The following ADARB2 variants were observed in gnomAD, a reference collection of about 807,000 sequenced individuals.
ADARB2 encodes adenosine deaminase RNA specific B2 (inactive).
In ADARB2, 25 loss-of-function variants were observed where a neutral mutation model predicts 62.2. The observed-to-expected ratio is 0.40, with a 90% CI of 0.29 to 0.56. ADARB2 has a LOEUF of 0.56. Among genes scored for constraint, ADARB2 ranks in the 20% least tolerant of loss-of-function variants. The pLI, the probability that ADARB2 is intolerant of heterozygous loss-of-function variation, is 0.43. For synonymous variants in ADARB2, 572 were observed against 500.8 expected (o/e 1.14, Z -1.90); for missense variants, 1,071 against 1,077.4 (o/e 0.99, Z 0.08).
At position 1,185,706 on chromosome 10, in the gene ADARB2, C is replaced by A. The variant is rs927692321; in HGVS notation, c.1865-667G>T. Among the ~76,000 whole-genome samples the A allele has an allele frequency of 3.3e-5, 5 of 152,338 alleles. No individual in the cohort carries two copies. The South Asian group carries it at 6.2e-4, about 19-fold the overall frequency. On this transcript the variant is annotated intron_variant, in intron 8 of 9. Transcript: ENST00000381312. ...CATGGGTTCGTCTAAGCTCAGGTGC[C>A]TGTGTGAGCTGCAGGGCTGCATGCC...
chr10:1,351,732 C>T lies in ADARB2; in HGVS notation c.1077+11296G>A, dbSNP rs535537474. Among the ~76,000 whole-genome samples, 36 of 152,240 alleles carry T rather than the reference C, an allele frequency of 2.4e-4. No individual in the cohort carries two copies. The South Asian group carries it at 4.8e-3, about 20-fold the overall frequency. On this transcript the variant is annotated intron_variant, in intron 3 of 9. Transcript: ENST00000381312. Reference sequence around the variant, plus strand: ...CACTCAATGCCAATATCTCATCCCACAGCATGCTTTAAAAGGATTAAAGTC... The same window carrying T: ...CACTCAATGCCAATATCTCATCCCATAGCATGCTTTAAAAGGATTAAAGTC...
chr10:1,288,810 C>CTGACAGAGGATGCCGAG (rs1306757163), intron 3 of ADARB2, among the ~76,000 whole-genome samples: 8 of 152,350 alleles, frequency 5.3e-5, no homozygotes, highest in African/African-American at 1.4e-4. Context: ...ATAGGGGTTT[C>CTGACAGAGGATGCCGAG]TGACAGAGGA....
At chr10:1,271,627 CACAT>C (rs1351553155) in intron 3 of ADARB2, among the ~76,000 whole-genome samples, 1 of 144,480 alleles carries the variant, frequency 6.9e-6, no homozygotes, top group Non-Finnish European at 1.5e-5. Context: ...AATATGCACA[CACAT>C]GCACACACAC....
intron 3 of ADARB2, among the ~76,000 whole-genome samples, chr10:1,325,010 A>C (rs1457819965): frequency 6.6e-6 from 1 of 152,192 alleles, no homozygotes; most frequent in African/African-American, 2.4e-5. Context: ...TATGTCCTAG[A>C]ACGCTGTGAA....
chr10:1,508,429 T>A (rs1415976013), intron 1 of ADARB2, among the ~76,000 whole-genome samples: 1 of 151,912 alleles, frequency 6.6e-6, no homozygotes, highest in Non-Finnish European at 1.5e-5. Flanking sequence ...GTTGGGAGAC[T>A]CCCAGGAGGC....
intron 4 of ADARB2, among the ~76,000 whole-genome samples, chr10:1,248,572 G>A (rs865998720): frequency 1.3e-5 from 2 of 152,278 alleles, no homozygotes; most frequent in Middle Eastern, 3.4e-3. Flanking sequence ...GCCGGTACTC[G>A]GAGCCAGGAG....
At chr10:1,676,397 A>G (rs1484305089) in intron 1 of ADARB2, among the ~76,000 whole-genome samples, 5 of 152,214 alleles carry the variant, frequency 3.3e-5, no homozygotes, top group Non-Finnish European at 7.3e-5. Flanking sequence ...TATTTTATAC[A>G]TTATTTAAAG....
chr10:1,569,034 G>A lies in ADARB2; in HGVS notation c.100+168017C>T, dbSNP rs540748002. ...AGACACAGAGAGACAGAGACAGAGC[G>A]GGACAGAGATAGAGAGACAGAGAGA... On this transcript the variant is annotated intron_variant, in intron 1 of 9. Transcript: ENST00000381312. Among the ~76,000 whole-genome samples the A allele has an allele frequency of 9.9e-5, 15 of 152,110 alleles. No individual in the cohort carries two copies. In the South Asian group the frequency reaches 2.7e-3, roughly 27 times the overall value.
At chr10:1,673,893 C>A (rs540439250) in intron 1 of ADARB2, among the ~76,000 whole-genome samples, 1 of 152,346 alleles carries the variant, frequency 6.6e-6, no homozygotes, top group East Asian at 1.9e-4. Flanking sequence ...TGCCTTCATC[C>A]TTTCATAAAA....
At chr10:1,403,716 C>T (rs766123602) in intron 1 of ADARB2, among the ~76,000 whole-genome samples, 22 of 152,314 alleles carry the variant, frequency 1.4e-4, no homozygotes, top group Non-Finnish European at 2.5e-4. Context: ...GGGACCCACT[C>T]GGCCTGCAGC....
At chr10:1,374,559 T>G (rs2805504) in intron 2 of ADARB2, among the ~76,000 whole-genome samples, 142,488 of 152,280 alleles carry the variant, frequency 0.94, 67,393 homozygotes, top group Non-Finnish European at 1. Context: ...GGCTGCTGTC[T>G]TTCAAAGGTG....
intron 1 of ADARB2, among the ~76,000 whole-genome samples, chr10:1,547,509 G>A (rs12764629): frequency 0.14 from 11,002 of 77,984 alleles, 1,224 homozygotes; most frequent in East Asian, 0.55. Context: ...GGGGAGAGAG[G>A]CTGTGCAAGT....
chr10:1,348,341 G>A (rs557961461), intron 3 of ADARB2, among the ~76,000 whole-genome samples: 1 of 152,324 alleles, frequency 6.6e-6, no homozygotes, highest in Non-Finnish European at 1.5e-5. Flanking sequence ...TTTCCTGGGT[G>A]AGCGGTTGAG....
chr10:1,196,114 C>A (rs948028236), intron 8 of ADARB2, among the ~76,000 whole-genome samples: 1 of 152,068 alleles, frequency 6.6e-6, no homozygotes, highest in Non-Finnish European at 1.5e-5. Context: ...TTCCCTCATT[C>A]CTCTAGGACT....
intron 1 of ADARB2, among the ~76,000 whole-genome samples, chr10:1,694,005 C>T (rs1184870313): frequency 1.3e-5 from 2 of 152,140 alleles, no homozygotes. Context: ...ATTCTTTAGC[C>T]AAAAAGCCTC....
chr10:1,293,929 G>A (rs985241089), intron 3 of ADARB2, among the ~76,000 whole-genome samples: 22 of 151,878 alleles, frequency 1.4e-4, no homozygotes, highest in East Asian at 5.8e-4. Flanking sequence ...TGTCTTTCTC[G>A]CAGCAGAAAT....
At chr10:1,302,074 C>T (rs1005377358) in intron 3 of ADARB2, among the ~76,000 whole-genome samples, 3 of 152,154 alleles carry the variant, frequency 2.0e-5, no homozygotes, top group Non-Finnish European at 4.4e-5. Flanking sequence ...CCAGCCTGAG[C>T]GACGCAGAAG....
chr10:1,621,197 C>T (rs909376744), intron 1 of ADARB2, among the ~76,000 whole-genome samples: 1 of 152,170 alleles, frequency 6.6e-6, no homozygotes, highest in Non-Finnish European at 1.5e-5. Flanking sequence ...TTGTAGATGA[C>T]ATGAACATCT....
intron 1 of ADARB2, among the ~76,000 whole-genome samples, chr10:1,652,693 G>A (rs964047971): frequency 2.6e-5 from 4 of 152,168 alleles, no homozygotes; most frequent in Admixed American, 2.0e-4. Flanking sequence ...AAAACAAGCC[G>A]TCCTGAGGCA....
Sources: allele counts gnomAD v4.1 joint callset (sites outside exome capture counted in the v4.1 genomes callset), GRCh38; gene constraint gnomAD v4.1.1; transcripts MANE v1.5; gene names NCBI Gene and HGNC (gene_info 2026-07-23, HGNC 2026-07-21).